The following NXN variants were observed in gnomAD, a reference collection of about 807,000 sequenced individuals.
NXN encodes nucleoredoxin.
NXN carries 16 observed loss-of-function variants against 48.6 expected under a neutral mutation model. That is an observed-to-expected ratio of 0.33 (90% CI 0.22 to 0.50). The LOEUF (loss-of-function observed/expected upper bound fraction) is 0.50, where lower values mean the gene tolerates loss of function less well. Among genes scored for constraint, NXN ranks in the 20% least tolerant of loss-of-function variants. NXN has a pLI of 0.98. For missense variants in NXN, 492 were observed against 605.5 expected, an observed-to-expected ratio of 0.81 and a Z score of 1.97; for synonymous variants, 281 against 269.6, an observed-to-expected ratio of 1.04 and a Z score of -0.41.
chr17:953,394 G>C (rs1318578926), intron 1 of NXN, among the ~76,000 whole-genome samples: 1 of 152,110 alleles, frequency 6.6e-6, no homozygotes, highest in Admixed American at 6.5e-5. Flanking sequence ...CAGCCTGGGA[G>C]ACAGAGCGAG....
intron 5 of NXN, among the ~76,000 whole-genome samples, chr17:817,513 C>CA: frequency 6.6e-6 from 1 of 151,944 alleles, no homozygotes; most frequent in Non-Finnish European, 1.5e-5. Flanking sequence ...ACTAAAAATA[C>CA]AAAAAATTTA....
chr17:825,376 A>T lies in NXN; in HGVS notation c.478+585T>A, dbSNP rs1913045002. 6.6e-6 allele frequency among the ~76,000 whole-genome samples: 1 copy of T among 151,996 alleles called. No individual in the cohort carries two copies. Among genetic ancestry groups the T allele is most frequent in the Admixed American group, 6.6e-5 (1 of 15,238 alleles). ...TGGACGGATTAAGTGAGGGGAGGAG[A>T]TCTCACAGCCCTGTTCTCACTCACT... On this transcript the variant is annotated intron_variant, in intron 2 of 7. Transcript: ENST00000336868. This position sits in a 1 kb window ranked among gnomAD's most constrained non-coding sequence, Gnocchi z 4.1.
chr17:923,723 A>T (rs11868481), intron 1 of NXN, among the ~76,000 whole-genome samples: 108,774 of 152,134 alleles, frequency 0.71, 42,177 homozygotes, highest in East Asian at 0.86. Flanking sequence ...TCCCCAAAAC[A>T]TATGTAACTA....
rs961555729 is a variant in NXN at position 973,861 on chromosome 17, T to G, written c.360+5458A>C. 4.0e-5 allele frequency among the ~76,000 whole-genome samples: 6 copies of G among 151,600 alleles called. 1 individual carries two copies. Among genetic ancestry groups the G allele is most frequent in the Admixed American group, 6.6e-5 (1 of 15,240 alleles). ...CACCTGGTTAATTTTGTATTTTTAG[T>G]AGAGATGGGGTTTCACCATGTTGGC... On this transcript the variant is annotated intron_variant, in intron 1 of 7. Coordinates refer to ENST00000336868, the MANE Select transcript of NXN (RefSeq NM_022463.5).
chr17:967,225 T>G (rs1039219554), intron 1 of NXN, among the ~76,000 whole-genome samples: 1 of 152,148 alleles, frequency 6.6e-6, no homozygotes, highest in African/African-American at 2.4e-5. Context: ...CCGGCCACAG[T>G]GACCAGTTAT....
At position 977,586 on chromosome 17, in the gene NXN, C is replaced by T. The variant is rs141943227; in HGVS notation, c.360+1733G>A. Among the ~76,000 whole-genome samples, 16 of 152,320 alleles carry T rather than the reference C, an allele frequency of 1.1e-4. No individual in the cohort carries two copies. The East Asian group carries it at 2.5e-3, about 24-fold the overall frequency. ...AATGTATTTCCTCTTCAGTAAAAAA[C>T]ACAACAATAGGCTGTTAAGCCTGTA... On this transcript the variant is annotated intron_variant, in intron 1 of 7. Coordinates refer to ENST00000336868, the MANE Select transcript of NXN (RefSeq NM_022463.5).
intron 1 of NXN, among the ~76,000 whole-genome samples, chr17:901,821 T>G (rs764889959): frequency 1.3e-4 from 20 of 152,158 alleles, no homozygotes; most frequent in Non-Finnish European, 2.8e-4. Flanking sequence ...TGCCTCAGCC[T>G]CCTGAGTAGT....
chr17:882,971 C>T (rs1002297271), intron 1 of NXN, among the ~76,000 whole-genome samples: 2 of 152,166 alleles, frequency 1.3e-5, no homozygotes, highest in Non-Finnish European at 1.5e-5. Flanking sequence ...CCAGGCTGGT[C>T]TGGAACTCCT....
intron 1 of NXN, among the ~76,000 whole-genome samples, chr17:832,899 A>G (rs1314409369): frequency 3.3e-5 from 5 of 151,636 alleles, no homozygotes; most frequent in African/African-American, 4.9e-5. Context: ...GACGCTTTTT[A>G]TTTGTTTCTT....
rs182553373 is a variant in NXN at position 944,196 on chromosome 17, G to A, written c.360+35123C>T. On this transcript the variant is annotated intron_variant, in intron 1 of 7. Transcript: ENST00000336868. ...AGAGGTTGCAGTGAGCCGAGATGGC[G>A]CCACTGCACTCCAGCCTGGAAAACA... Among the ~76,000 whole-genome samples, 397 of 152,256 alleles carry A rather than the reference G, an allele frequency of 2.6e-3. 2 individuals carry two copies. The highest frequency in any genetic ancestry group is 8.1e-3 in the African/African-American group (338 of 41,556).
chr17:841,143 C>T (rs1036160200), intron 1 of NXN, among the ~76,000 whole-genome samples: 23 of 152,336 alleles, frequency 1.5e-4, no homozygotes, highest in Admixed American at 5.2e-4. Flanking sequence ...GTGGATAGAT[C>T]GTAGGCACGA....
At position 813,175 on chromosome 17, in the gene NXN, G is replaced by T. The variant is rs75221197; in HGVS notation, c.820+6264C>A. 0.01 allele frequency among the ~76,000 whole-genome samples: 1,588 copies of T among 152,368 alleles called. 57 individuals carry two copies. In the East Asian group the frequency reaches 0.12, roughly 12 times the overall value. On this transcript the variant is annotated intron_variant, in intron 5 of 7. Coordinates refer to ENST00000336868, the MANE Select transcript of NXN (RefSeq NM_022463.5). ...AAAATACTGGTCAGAGTTTTGTGAC[G>T]CTACAAAGCTTATGAACGAATGCAC...
chr17:910,233 G>A (rs1023676499), intron 1 of NXN, among the ~76,000 whole-genome samples: 1 of 152,050 alleles, frequency 6.6e-6, no homozygotes, highest in Non-Finnish European at 1.5e-5. Flanking sequence ...CCAACAGGGC[G>A]AGACCCTGTC....
At chr17:855,402 G>A (rs549011312) in intron 1 of NXN, among the ~76,000 whole-genome samples, 16 of 152,316 alleles carry the variant, frequency 1.1e-4, no homozygotes, top group Admixed American at 4.6e-4. Context: ...TACAAGCAGA[G>A]GGAAGTAAAT....
intron 5 of NXN, among the ~76,000 whole-genome samples, chr17:807,344 C>T (rs372985356): frequency 6.6e-5 from 10 of 152,220 alleles, no homozygotes; most frequent in Admixed American, 1.3e-4. Context: ...ACAGGCCCCG[C>T]GGCCAGCCTG....
Position 849,290 on chromosome 17 carries a change from T to C in NXN, c.361-23212A>G, listed in dbSNP as rs2067898161. ...GCTCACGCCTGTAATCCCAGCACTT[T>C]GGGAGGCCGAGACAGGTGGGTCACC... On this transcript the variant is annotated intron_variant, in intron 1 of 7. Coordinates refer to ENST00000336868, the MANE Select transcript of NXN (RefSeq NM_022463.5). This position sits in a 1 kb window ranked among gnomAD's most constrained non-coding sequence, Gnocchi z 4.2. Among the ~76,000 whole-genome samples the C allele has an allele frequency of 6.6e-6, 1 of 152,154 alleles. No individual in the cohort carries two copies. Among genetic ancestry groups the C allele is most frequent in the Admixed American group, 6.5e-5 (1 of 15,280 alleles).
chr17:854,484 TAA>T (rs1177284559), intron 1 of NXN, among the ~76,000 whole-genome samples: 1 of 136,772 alleles, frequency 7.3e-6, no homozygotes. Context: ...CTGTCTCTAC[TAA>T]AAAAAAAAAA....
intron 7 of NXN, among the ~76,000 whole-genome samples, chr17:802,823 G>A (rs531526771): frequency 5.0e-4 from 76 of 152,242 alleles, no homozygotes; most frequent in African/African-American, 1.5e-3. Context: ...TGCCTCCTCC[G>A]TGCCTCTCCT....
At chr17:813,973 A>C (rs1367795256) in intron 5 of NXN, among the ~76,000 whole-genome samples, 1 of 151,160 alleles carries the variant, frequency 6.6e-6, no homozygotes, top group Non-Finnish European at 1.5e-5. Flanking sequence ...GTCTAAAAAA[A>C]AAAAGAGCCG....
Sources: gnomAD v4.1 joint callset for allele counts (sites outside exome capture counted in the v4.1 genomes callset) on GRCh38, gnomAD v4.1.1 for gene constraint, Gnocchi (gnomAD v3.1) non-coding constraint, MANE v1.5 for transcripts, NCBI Gene and HGNC (gene_info 2026-07-23, HGNC 2026-07-21) for gene names.